ATRNL1: variants seen among roughly 807,000 people sequenced by gnomAD.
ATRNL1 encodes the protein attractin like 1, also known as attractin-like protein 1.
Under a neutral mutation model 182.7 loss-of-function variants are expected in ATRNL1, and 95 were observed. The ratio of observed to expected loss-of-function variants is 0.52; its 90% CI spans 0.44 to 0.62. ATRNL1 has a LOEUF of 0.62. Ranked by LOEUF, ATRNL1 falls within the 20% of genes least tolerant of loss-of-function variation. The pLI is 0.00. For synonymous variants in ATRNL1, 576 were observed against 568.3 expected (o/e 1.01, Z -0.19); for missense variants, 1,471 against 1,679.5 (o/e 0.88, Z 2.17).
At chr10:115,495,701 G>GTT (rs35800509) in intron 24 of ATRNL1, among the ~76,000 whole-genome samples, 119 of 149,010 alleles carry the variant, frequency 8.0e-4, no homozygotes, top group East Asian at 5.0e-3. Context: ...TATGATTTCA[G>GTT]TTTTTTTTTT....
intron 26 of ATRNL1, among the ~76,000 whole-genome samples, chr10:115,579,048 ATTG>A (rs35162478): frequency 0.47 from 70,297 of 151,068 alleles, 18,066 homozygotes; most frequent in East Asian, 0.84. Flanking sequence ...TTTTCATACC[ATTG>A]TTGTCAGAAA....
At chr10:115,315,075 TGG>T (rs1854227553) in intron 17 of ATRNL1, among the ~76,000 whole-genome samples, 1 of 152,266 alleles carries the variant, frequency 6.6e-6, no homozygotes, top group Admixed American at 6.5e-5. Flanking sequence ...TCTCAGGAAA[TGG>T]GCAGACGTCA....
intron 25 of ATRNL1, among the ~76,000 whole-genome samples, chr10:115,548,810 A>C (rs1339613897): frequency 6.6e-6 from 1 of 152,076 alleles, no homozygotes; most frequent in African/African-American, 2.4e-5. Context: ...TGTATTGCTG[A>C]TCCTTTGCTG....
intron 12 of ATRNL1, among the ~76,000 whole-genome samples, chr10:115,267,851 T>A (rs1554911354): frequency 6.6e-6 from 1 of 152,110 alleles, no homozygotes; most frequent in Non-Finnish European, 1.5e-5. Context: ...AAACTCTGTC[T>A]CCTGGTTTCA....
chr10:115,261,190 C>T (rs1374549646), intron 10 of ATRNL1, among the ~76,000 whole-genome samples: 3 of 152,072 alleles, frequency 2.0e-5, no homozygotes, highest in Non-Finnish European at 2.9e-5. Context: ...GGACTAATAC[C>T]TTCAATATCT....
At chr10:115,332,474 T>C (rs535050260) in intron 18 of ATRNL1, among the ~76,000 whole-genome samples, 3 of 152,364 alleles carry the variant, frequency 2.0e-5, no homozygotes, top group East Asian at 1.9e-4. Context: ...TTTCTAAATA[T>C]AATGCTCTGT....
chr10:115,363,921 G>T (rs1192040299), intron 19 of ATRNL1, among the ~76,000 whole-genome samples: 1 of 151,574 alleles, frequency 6.6e-6, no homozygotes, highest in Non-Finnish European at 1.5e-5. Context: ...GGTTACTGTA[G>T]CCTTGTAGTA....
intron 24 of ATRNL1, among the ~76,000 whole-genome samples, chr10:115,472,959 G>T (rs1288394407): frequency 6.6e-6 from 1 of 151,038 alleles, no homozygotes; most frequent in African/African-American, 2.4e-5. Context: ...CCATTGTGTA[G>T]GATGTTAGCT....
At chr10:115,272,827 C>T (rs1554913646) in intron 13 of ATRNL1, among the ~76,000 whole-genome samples, 1 of 152,066 alleles carries the variant, frequency 6.6e-6, no homozygotes. Context: ...ATGATAAGAC[C>T]AGTGAGCATA....
intron 24 of ATRNL1, among the ~76,000 whole-genome samples, chr10:115,503,779 C>T (rs1015773267): frequency 1.3e-5 from 2 of 151,882 alleles, no homozygotes; most frequent in African/African-American, 4.8e-5. Context: ...TCCTGAACAT[C>T]ACTTTTTCTT....
intron 19 of ATRNL1, among the ~76,000 whole-genome samples, chr10:115,354,129 C>T (rs1554942182): frequency 6.6e-6 from 1 of 152,110 alleles, no homozygotes; most frequent in Non-Finnish European, 1.5e-5. Context: ...TTTCTTAAAA[C>T]ATTATAATTT....
At chr10:115,386,064 G>A (rs1858331236) in intron 19 of ATRNL1, among the ~76,000 whole-genome samples, 1 of 151,802 alleles carries the variant, frequency 6.6e-6, no homozygotes, top group South Asian at 2.1e-4. Flanking sequence ...ATAAGTTTTA[G>A]AAGTAGCTTG....
chr10:115,163,326 TTTTA>T (rs1846887354), intron 6 of ATRNL1, among the ~76,000 whole-genome samples: 1 of 151,594 alleles, frequency 6.6e-6, no homozygotes, highest in Non-Finnish European at 1.5e-5. Context: ...TTATTTTTTC[TTTTA>T]TTTCTTTTAT....
At chr10:115,615,023 C>CAAG (rs558091587) in intron 26 of ATRNL1, among the ~76,000 whole-genome samples, 4 of 151,832 alleles carry the variant, frequency 2.6e-5, no homozygotes, top group Non-Finnish European at 5.9e-5. Flanking sequence ...TGTTTACATT[C>CAAG]AAGGTTTTTA....
At chr10:115,943,334 A>AT (rs1303313201) in intron 28 of ATRNL1, among the ~76,000 whole-genome samples, 4 of 152,248 alleles carry the variant, frequency 2.6e-5, no homozygotes, top group African/African-American at 9.6e-5. Flanking sequence ...GTAAGACAAC[A>AT]AACAACCCAA....
At chr10:115,247,027 C>T (rs1850674525) in intron 10 of ATRNL1, among the ~76,000 whole-genome samples, 1 of 151,972 alleles carries the variant, frequency 6.6e-6, no homozygotes, top group Admixed American at 6.6e-5. Context: ...CTAGACCCTC[C>T]CCTCTAAACT....
At chr10:115,612,044 A>C (rs961056323) in intron 26 of ATRNL1, among the ~76,000 whole-genome samples, 2 of 152,266 alleles carry the variant, frequency 1.3e-5, no homozygotes, top group Admixed American at 1.3e-4. Flanking sequence ...TGAGGTTAGG[A>C]GTTCGAGACC....
rs999288976 is a variant in ATRNL1, at chr10:115,268,592, A to C, written c.2100+148A>C. ...TATAGGGAATCATTCACTTCTTGGC[A>C]AATTGTGAAGTTAGATTGGTTTGTT... On this transcript the variant is annotated intron_variant, in intron 13 of 28. Transcript: ENST00000355044. 25 of 552,498 alleles carry C rather than the reference A, an allele frequency of 4.5e-5. No individual in the cohort carries two copies. The African/African-American group carries it at 4.6e-4, about 10-fold the overall frequency. The allele number at this position is 552,498 out of a possible 1,614,324, so 34.2% of individuals were successfully genotyped here. A position where few individuals can be genotyped will look rare whatever the true frequency, so the allele number is the denominator to read the frequency against.
chr10:115,804,363 G>T (rs1555085164), intron 27 of ATRNL1, among the ~76,000 whole-genome samples: 2 of 152,112 alleles, frequency 1.3e-5, no homozygotes, highest in African/African-American at 4.8e-5. Context: ...CAATGTGATG[G>T]CATTAGGAAT....
Sources: gnomAD v4.1 joint callset for allele counts (sites outside exome capture counted in the v4.1 genomes callset) on GRCh38, gnomAD v4.1.1 for gene constraint, MANE v1.5 for transcripts, NCBI Gene and HGNC (gene_info 2026-07-23, HGNC 2026-07-21) for gene names.